Variants in PELP1 observed in about 807,000 individuals in gnomAD.
The protein encoded by PELP1 is proline-, glutamic acid- and leucine-rich protein 1.
In PELP1, 32 loss-of-function variants were observed where a neutral mutation model predicts 95.5. The ratio of observed to expected loss-of-function variants is 0.34; its 90% CI spans 0.25 to 0.45. The LOEUF is 0.45. Ranked by LOEUF, PELP1 falls within the 20% of genes least tolerant of loss-of-function variation. The pLI is 1.00. For synonymous variants in PELP1, 668 were observed against 600.1 expected (o/e 1.11, Z -1.65); for missense variants, 1,358 against 1,444.8 (o/e 0.94, Z 0.97).
At position 4,676,740 on chromosome 17, in the gene PELP1, C is replaced by A; in HGVS notation, c.702+13G>T. ...AGATCCCCGGGCTCTCCCTCTCCCT[C>A]CCTGCCCTTTACCTGTTGGAGCTGA... On this transcript the variant is annotated intron_variant, in intron 6 of 16. Coordinates refer to ENST00000572293, the MANE Select transcript of PELP1 (RefSeq NM_014389.3). 1 of 1,563,224 alleles carries A rather than the reference C, an allele frequency of 6.4e-7. No homozygotes were observed. Among genetic ancestry groups the A allele is most frequent in the Non-Finnish European group, 8.7e-7 (1 of 1,152,646 alleles).
chr17:4,684,023 G>A (rs1376163251), intron 3 of PELP1, among the ~76,000 whole-genome samples: 1 of 151,788 alleles, frequency 6.6e-6, no homozygotes, highest in African/African-American at 2.4e-5. Context: ...ACAAGACTGT[G>A]CCATCTCTTC....
chr17:4,696,462 G>C (rs1246616386), intron 1 of PELP1, among the ~76,000 whole-genome samples: 16 of 152,200 alleles, frequency 1.1e-4, no homozygotes, highest in Admixed American at 1.0e-3. Context: ...CAATGATGAA[G>C]GTTAAGGGAG....
At chr17:4,696,873 TG>T (rs1168786291) in intron 1 of PELP1, 1 of 152,154 alleles carries the variant, frequency 6.6e-6, no homozygotes, top group Admixed American at 6.6e-5. Context: ...AAGATGAAGC[TG>T]CCATTCACCG....
chr17:4,684,789 G>C (rs1567664862), intron 3 of PELP1, among the ~76,000 whole-genome samples: 2 of 152,074 alleles, frequency 1.3e-5, no homozygotes, highest in Admixed American at 6.6e-5. Flanking sequence ...CCGCCTCCCA[G>C]GTCCTGGTTC....
intron 1 of PELP1, among the ~76,000 whole-genome samples, chr17:4,692,283 T>C (rs542116320): frequency 2.6e-5 from 4 of 152,018 alleles, no homozygotes; most frequent in Non-Finnish European, 5.9e-5. Context: ...CTGGCTAACA[T>C]GGTGAAACCC....
At chr17:4,699,106 T>C (rs1340147223) in intron 1 of PELP1, among the ~76,000 whole-genome samples, 1 of 152,142 alleles carries the variant, frequency 6.6e-6, no homozygotes, top group Non-Finnish European at 1.5e-5. Flanking sequence ...TCCAGCCAGG[T>C]GCGGTGGCTC....
rs1912231504 is a variant in PELP1, at chr17:4,672,107, C to G, written c.2884G>C (p.Asp962His). The G allele has an allele frequency of 1.3e-6, 2 of 1,553,448 alleles. No homozygotes were observed. The highest frequency in any genetic ancestry group is 1.4e-5 in the African/African-American group (1 of 73,232). ...CCTCCTGCTGTGCCAAACTCCAGGT[C>G]TTCCACCTCTTCCAGTTCTTCTTCC... ...EEEEELEEVEDLEFGTAGGEV... is the reference protein window; with the variant it reads ...EEEEELEEVEHLEFGTAGGEV... The change falls in exon 16 of 17, where the codon GAC (aspartate) becomes CAC (histidine). Residue 962 changes from aspartate to histidine, a missense_variant. Physicochemically the swap from Asp to His is moderately conservative, Grantham distance 81 (BLOSUM62 -1). Coordinates refer to ENST00000572293, the MANE Select transcript of PELP1 (RefSeq NM_014389.3).
At chr17:4,688,172 T>C (rs1912971958) in intron 3 of PELP1, among the ~76,000 whole-genome samples, 1 of 152,008 alleles carries the variant, frequency 6.6e-6, no homozygotes, top group Non-Finnish European at 1.5e-5. Flanking sequence ...CTATCTCTAC[T>C]AAAAATACAA....
Position 4,672,255 on chromosome 17 carries a change from T to C in PELP1, c.2736A>G (p.Glu912=), listed in dbSNP as rs1422383757. ...EEEEEEEDFE[E]EEEDEEEYFE... ...AATATTCCTCTTCATCCTCTTCCTC[T>C]TCCTCAAAGTCTTCCTCCTCTTCCT... The change falls in exon 16 of 17, where the codon GAA becomes GAG. Residue 912 remains glutamate, a synonymous_variant. Coordinates refer to ENST00000572293, the MANE Select transcript of PELP1 (RefSeq NM_014389.3). 1 of 1,552,640 alleles carries C rather than the reference T, an allele frequency of 6.4e-7. No homozygotes were observed. The highest frequency in any genetic ancestry group is 8.7e-7 in the Non-Finnish European group (1 of 1,147,350).
At chr17:4,703,793 C>A in intron 1 of PELP1, 70 bp downstream of exon 1, 2 of 1,392,176 alleles carry the variant, frequency 1.4e-6, no homozygotes, top group South Asian at 1.3e-5. Context: ...TGCACTGCAC[C>A]GTAATCCCGG....
chr17:4,676,537 G>A (rs1912487189), intron 6 of PELP1, 30 bp from the exon 7 acceptor site: 2 of 1,611,384 alleles, frequency 1.2e-6, no homozygotes, highest in East Asian at 4.5e-5. Flanking sequence ...AACCTGGTCA[G>A]ATGGGAATCC....
At chr17:4,680,111 A>G (rs1231368771) in intron 5 of PELP1, among the ~76,000 whole-genome samples, 1 of 152,202 alleles carries the variant, frequency 6.6e-6, no homozygotes, top group East Asian at 1.9e-4. Flanking sequence ...TCTCCTCTGT[A>G]AAATGCAGTG....
intron 5 of PELP1, among the ~76,000 whole-genome samples, chr17:4,682,055 G>A (rs1412854342): frequency 6.6e-6 from 1 of 152,058 alleles, no homozygotes; most frequent in Non-Finnish European, 1.5e-5. Flanking sequence ...AGCTACTTGG[G>A]AGGCTGAGGT....
At chr17:4,681,455 G>C (rs1487589108) in intron 5 of PELP1, among the ~76,000 whole-genome samples, 1 of 152,006 alleles carries the variant, frequency 6.6e-6, no homozygotes. Context: ...AGCTTGCAGT[G>C]AGCCGATATC....
At chr17:4,690,188 A>G (rs1913046956) in intron 3 of PELP1, among the ~76,000 whole-genome samples, 1 of 152,138 alleles carries the variant, frequency 6.6e-6, no homozygotes, top group Non-Finnish European at 1.5e-5. Context: ...AAAACCAAAC[A>G]TCGTATGTTC....
chr17:4,688,194 G>A (rs1371608074), intron 3 of PELP1, among the ~76,000 whole-genome samples: 1 of 152,130 alleles, frequency 6.6e-6, no homozygotes, highest in African/African-American at 2.4e-5. Context: ...CATTAGCCGG[G>A]CGGGGTGGCA....
chr17:4,680,822 A>AGGTGTTCT (rs1488293095), intron 5 of PELP1, among the ~76,000 whole-genome samples: 1 of 152,258 alleles, frequency 6.6e-6, no homozygotes, highest in Admixed American at 6.5e-5. Context: ...GTTCTTAGGT[A>AGGTGTTCT]TAGTTGGCAT....
chr17:4,697,319 C>A (rs1913335768), intron 1 of PELP1, among the ~76,000 whole-genome samples: 1 of 152,108 alleles, frequency 6.6e-6, no homozygotes, highest in African/African-American at 2.4e-5. Context: ...TCAAGACCAG[C>A]CTCAGCAACA....
rs1038397622 is a variant in PELP1, at chr17:4,675,374, A to T, written c.1069-12T>A. The T allele has an allele frequency of 6.9e-7, 1 of 1,449,562 alleles. No homozygotes were observed. Among genetic ancestry groups the T allele is most frequent in the Non-Finnish European group, 9.5e-7 (1 of 1,056,092 alleles). The allele number at this position is 1,449,562 out of a possible 1,614,324, so 89.8% of individuals were successfully genotyped here. On this transcript the variant is annotated splice_polypyrimidine_tract_variant and intron_variant, in intron 9 of 16. Transcript: ENST00000572293. The surrounding 1 kb of genome is among the most constrained non-coding windows in gnomAD (Gnocchi z 4.3). ...TCTCCATGCAAGCTCTGGAGAAAAAAGGGGCAGAGATAAAGAGTGGAGGAA... is the reference window on the plus strand; with the variant it reads ...TCTCCATGCAAGCTCTGGAGAAAAATGGGGCAGAGATAAAGAGTGGAGGAA...
Sources: allele counts gnomAD v4.1 joint callset (sites outside exome capture counted in the v4.1 genomes callset), GRCh38; gene constraint gnomAD v4.1.1; non-coding constraint Gnocchi (gnomAD v3.1); transcripts MANE v1.5; gene names NCBI Gene and HGNC (gene_info 2026-07-23, HGNC 2026-07-21).